TNFRSF19: variants seen among roughly 807,000 people sequenced by gnomAD.
The protein encoded by TNFRSF19 is TNF receptor superfamily member 19.
TNFRSF19 carries 27 observed loss-of-function variants against 46.4 expected under a neutral mutation model. The ratio of observed to expected loss-of-function variants is 0.58; its 90% CI spans 0.43 to 0.80. The LOEUF is 0.80. Ranked by LOEUF, TNFRSF19 falls within the 30% of genes least tolerant of loss-of-function variation. The pLI, the probability that TNFRSF19 is intolerant of heterozygous loss-of-function variation, is 0.00. For synonymous variants in TNFRSF19, 204 were observed against 205.0 expected (o/e 1.00, Z 0.04); for missense variants, 511 against 530.8 (o/e 0.96, Z 0.37).
Position 23,616,057 on chromosome 13 carries a change from A to G in TNFRSF19, c.359+12A>G, listed in dbSNP as rs2138257321. 1 of 1,573,992 alleles carries G rather than the reference A, an allele frequency of 6.4e-7. No homozygotes were observed. The highest frequency in any genetic ancestry group is 8.6e-7 in the Non-Finnish European group (1 of 1,156,606). ...GACTGCTTGCCAGGGTGAGTTGGCC[A>G]GTTTCTTTCACTTGTAATTATTTAA... On this transcript the variant is annotated intron_variant, in intron 4 of 9. Transcript: ENST00000248484.
At chr13:23,580,037 T>G (rs1379379905) in intron 1 of TNFRSF19, among the ~76,000 whole-genome samples, 5 of 152,144 alleles carry the variant, frequency 3.3e-5, no homozygotes, top group African/African-American at 1.2e-4. Flanking sequence ...AAAGAGTTCC[T>G]TAGAGTTCAG....
intron 1 of TNFRSF19, among the ~76,000 whole-genome samples, chr13:23,581,535 A>T (rs1383397659): frequency 1.3e-5 from 2 of 152,294 alleles, no homozygotes; most frequent in East Asian, 3.9e-4. Context: ...AAAGGGACAG[A>T]ACTTTTTTTT....
At chr13:23,580,636 T>C (rs1878345108) in intron 1 of TNFRSF19, among the ~76,000 whole-genome samples, 1 of 152,258 alleles carries the variant, frequency 6.6e-6, no homozygotes, top group African/African-American at 2.4e-5. Context: ...GTGCTTATTA[T>C]CTAATTGAAA....
At chr13:23,647,628 C>A (rs1413831938) in intron 5 of TNFRSF19, among the ~76,000 whole-genome samples, 1 of 152,120 alleles carries the variant, frequency 6.6e-6, no homozygotes, top group Non-Finnish European at 1.5e-5. Context: ...CTAACTCAAG[C>A]AATCCTTCCA....
At position 23,668,042 on chromosome 13, in the gene TNFRSF19, C is replaced by T. The variant is rs1297476274; in HGVS notation, c.799C>T (p.Leu267Phe). The change falls in exon 8 of 10, where the codon CTT becomes TTT. Residue 267 changes from leucine (L) to phenylalanine (F), a missense_variant. This residue lies in a region of TNFRSF19 where 376 missense variants were observed against 372.7 expected (regional missense o/e 1.01). Coordinates refer to ENST00000248484, the MANE Select transcript of TNFRSF19 (RefSeq NM_148957.4). ...GGCCTGCAGCCCCAACCCGGCGACT[C>T]TTGGTTGTGGGGTGCATTCTGCAGC... ...EEACSPNPAT[L>F]GCGVHSAASL... is the part of the protein sequence containing the mutation. 1.9e-6 allele frequency: 3 copies of T among 1,610,212 alleles called. No individual in the cohort carries two copies. Among genetic ancestry groups the T allele is most frequent in the African/African-American group, 1.3e-5 (1 of 74,900 alleles).
chr13:23,591,728 C>CTTTTTTTT (rs1238199379), intron 2 of TNFRSF19, among the ~76,000 whole-genome samples: 1 of 103,656 alleles, frequency 9.6e-6, no homozygotes. Context: ...TTCTTTCTTT[C>CTTTTTTTT]TTTTTTTTTT....
At chr13:23,580,809 T>C (rs576652566) in intron 1 of TNFRSF19, among the ~76,000 whole-genome samples, 2 of 152,392 alleles carry the variant, frequency 1.3e-5, no homozygotes, top group East Asian at 1.9e-4. Context: ...TTGCACAATA[T>C]AGCCTTGGCA....
intron 5 of TNFRSF19, among the ~76,000 whole-genome samples, chr13:23,653,725 G>A (rs1204991933): frequency 6.6e-6 from 1 of 152,190 alleles, no homozygotes; most frequent in Non-Finnish European, 1.5e-5. Context: ...TCCATGTGGA[G>A]GTGCCAAGTA....
chr13:23,617,070 A>T (rs190048948), intron 4 of TNFRSF19, among the ~76,000 whole-genome samples: 1 of 152,136 alleles, frequency 6.6e-6, no homozygotes, highest in African/African-American at 2.4e-5. Flanking sequence ...CAAAGGTGAG[A>T]TCTGAGCAAA....
chr13:23,611,533 CTG>C (rs1360879648), intron 3 of TNFRSF19, among the ~76,000 whole-genome samples: 1 of 152,174 alleles, frequency 6.6e-6, no homozygotes, highest in Non-Finnish European at 1.5e-5. Context: ...TTTTGGGAAA[CTG>C]GGCTCTTGAG....
intron 3 of TNFRSF19, among the ~76,000 whole-genome samples, chr13:23,612,029 G>A (rs555691568): frequency 2.5e-4 from 38 of 152,246 alleles, no homozygotes; most frequent in Non-Finnish European, 4.4e-4. Flanking sequence ...TTGGGGGAGT[G>A]GGAAGTTAAG....
intron 1 of TNFRSF19, among the ~76,000 whole-genome samples, chr13:23,573,849 T>A (rs1877782719): frequency 6.6e-6 from 1 of 151,968 alleles, no homozygotes; most frequent in Non-Finnish European, 1.5e-5. Flanking sequence ...GATCACGAGG[T>A]CAGGAGATCG....
intron 1 of TNFRSF19, among the ~76,000 whole-genome samples, chr13:23,584,627 TAA>T (rs67871815): frequency 0.079 from 10,784 of 137,098 alleles, 574 homozygotes; most frequent in East Asian, 0.29. Context: ...AAGTTTTATT[TAA>T]AAAAAAAAAA....
At chr13:23,604,434 A>C (rs1221429636) in intron 3 of TNFRSF19, among the ~76,000 whole-genome samples, 1 of 152,158 alleles carries the variant, frequency 6.6e-6, no homozygotes, top group Non-Finnish European at 1.5e-5. Context: ...GTGTTTCTCA[A>C]CTTGATTTAT....
chr13:23,611,920 G>A (rs1880935354), intron 3 of TNFRSF19, among the ~76,000 whole-genome samples: 2 of 152,160 alleles, frequency 1.3e-5, no homozygotes, highest in Non-Finnish European at 2.9e-5. Context: ...CACTGTCCAA[G>A]ATGTATGGCA....
intron 1 of TNFRSF19, among the ~76,000 whole-genome samples, chr13:23,578,255 G>A (rs1181530857): frequency 6.6e-6 from 1 of 152,198 alleles, no homozygotes; most frequent in African/African-American, 2.4e-5. Flanking sequence ...CACTTGCCTT[G>A]AGGTTCAAAT....
At chr13:23,601,647 TTTGA>T (rs772665729) in intron 3 of TNFRSF19, among the ~76,000 whole-genome samples, 27 of 149,640 alleles carry the variant, frequency 1.8e-4, no homozygotes, top group Non-Finnish European at 2.2e-4. Context: ...AAACAATGTA[TTTGA>T]TTGAGTATGC....
intron 4 of TNFRSF19, among the ~76,000 whole-genome samples, chr13:23,616,517 A>G (rs1399157021): frequency 6.6e-6 from 1 of 152,164 alleles, no homozygotes; most frequent in Non-Finnish European, 1.5e-5. Flanking sequence ...CAGAAAATAA[A>G]GTGGCAAAGA....
intron 1 of TNFRSF19, among the ~76,000 whole-genome samples, chr13:23,580,067 G>C (rs1465873156): frequency 6.6e-6 from 1 of 152,194 alleles, no homozygotes; most frequent in Non-Finnish European, 1.5e-5. Flanking sequence ...TTAGTATATT[G>C]ATGAGTAGAG....
Sources: allele counts gnomAD v4.1 joint callset (sites outside exome capture counted in the v4.1 genomes callset), GRCh38; gene constraint gnomAD v4.1.1; regional missense constraint gnomAD v4.1.1; transcripts MANE v1.5; gene names NCBI Gene and HGNC (gene_info 2026-07-23, HGNC 2026-07-21).